Variants in MED12L observed in about 807,000 individuals in gnomAD.
MED12L encodes mediator complex subunit 12L, also known as mediator of RNA polymerase II transcription subunit 12-like protein.
A neutral mutation model predicts 281.3 loss-of-function variants in MED12L; 60 were observed. The ratio of observed to expected loss-of-function variants is 0.21; its 90% CI spans 0.17 to 0.26. The LOEUF (loss-of-function observed/expected upper bound fraction) is 0.26. MED12L is among the 10% of genes least tolerant of loss of function. MED12L has a pLI of 1.00. For missense variants in MED12L, 2,146 were observed against 2,680.9 expected, an observed-to-expected ratio of 0.80 and a Z score of 4.41; for synonymous variants, 974 against 987.2, an observed-to-expected ratio of 0.99 and a Z score of 0.25.
intron 39 of MED12L, among the ~76,000 whole-genome samples, chr3:151,399,866 G>T (rs146937880): frequency 4.0e-5 from 6 of 149,122 alleles, no homozygotes; most frequent in Non-Finnish European, 8.9e-5. Context: ...TCCCTCTGTC[G>T]CCCAGGCTGG....
chr3:151,127,822 T>C lies in MED12L; in HGVS notation c.397-3T>C. ...ATAAATATACTATGTTGTTTCTTTT[T>C]AGGTTCCTATCCTTAGTAAAAAAGA... On this transcript the variant is annotated splice_region_variant and splice_polypyrimidine_tract_variant and intron_variant, in intron 4 of 44. Coordinates refer to ENST00000687756, the MANE Select transcript of MED12L (RefSeq NM_001393769.1). 6.3e-7 allele frequency: 1 copy of C among 1,586,482 alleles called. No homozygotes were observed. Among genetic ancestry groups the C allele is most frequent in the Non-Finnish European group, 8.6e-7 (1 of 1,157,172 alleles).
chr3:151,357,873 G>T (rs979984365), intron 20 of MED12L, among the ~76,000 whole-genome samples: 10 of 152,148 alleles, frequency 6.6e-5, no homozygotes, highest in African/African-American at 2.4e-4. Context: ...GTAGGCTGGG[G>T]CTTACTCTAC....
intron 39 of MED12L, among the ~76,000 whole-genome samples, chr3:151,400,075 T>C (rs1577563415): frequency 6.6e-6 from 1 of 152,118 alleles, no homozygotes; most frequent in Non-Finnish European, 1.5e-5. Flanking sequence ...GATCCACCTG[T>C]CTCGACCTCC....
chr3:151,283,151 T>A (rs4680307), intron 16 of MED12L, among the ~76,000 whole-genome samples: 54,513 of 151,878 alleles, frequency 0.36, 10,327 homozygotes, highest in African/African-American at 0.48. Flanking sequence ...TAACAGTTTT[T>A]AAAAAAATTA....
chr3:151,256,918 C>A, intron 16 of MED12L, among the ~76,000 whole-genome samples: 1 of 143,442 alleles, frequency 7.0e-6, no homozygotes. Context: ...GCTAAATAAT[C>A]TCTTGCCATT....
intron 11 of MED12L, among the ~76,000 whole-genome samples, chr3:151,182,851 T>C (rs993111685): frequency 5.9e-5 from 9 of 151,810 alleles, no homozygotes; most frequent in African/African-American, 2.2e-4. Flanking sequence ...TAGGGGTGAG[T>C]TTGGGGCTGG....
chr3:151,328,301 T>C, intron 16 of MED12L: 2 of 1,613,964 alleles, frequency 1.2e-6, no homozygotes, highest in Non-Finnish European at 1.7e-6. Context: ...GCCTTCCAGC[T>C]TTTTGTTGTT....
intron 5 of MED12L, among the ~76,000 whole-genome samples, chr3:151,154,470 A>G (rs748831320): frequency 2.6e-5 from 4 of 152,218 alleles, no homozygotes; most frequent in African/African-American, 9.6e-5. Context: ...TGTCTGCAGT[A>G]TAAATTTTCT....
At chr3:151,357,495 T>C in intron 20 of MED12L, 119 bp downstream of exon 20, 1 of 848,592 alleles carries the variant, frequency 1.2e-6, no homozygotes, top group Non-Finnish European at 1.7e-6. Flanking sequence ...TAAAACATGG[T>C]TAAAGAACAC....
At chr3:151,339,456 T>C (rs913434514) in intron 16 of MED12L, among the ~76,000 whole-genome samples, 6 of 151,946 alleles carry the variant, frequency 3.9e-5, no homozygotes, top group African/African-American at 1.2e-4. Context: ...CTGACCTTTT[T>C]TCTTTATATT....
At chr3:151,352,255 T>G (rs1159258025) in intron 17 of MED12L, among the ~76,000 whole-genome samples, 1 of 152,224 alleles carries the variant, frequency 6.6e-6, no homozygotes, top group African/African-American at 2.4e-5. Flanking sequence ...TGACATTATG[T>G]CTGCACTCAA....
At chr3:151,178,011 C>G (rs533477523) in intron 11 of MED12L, among the ~76,000 whole-genome samples, 2 of 151,884 alleles carry the variant, frequency 1.3e-5, no homozygotes, top group Admixed American at 1.3e-4. Flanking sequence ...TTATTTAAAG[C>G]TAGGGAGGCA....
chr3:151,188,522 G>A (rs1006234639), intron 13 of MED12L, 42 bp downstream of exon 13: 3 of 1,519,806 alleles, frequency 2.0e-6, no homozygotes, highest in African/African-American at 2.8e-5. Flanking sequence ...TTAAATAAGG[G>A]ATTGATTTTT....
At chr3:151,120,616 C>G (rs1017025538) in intron 3 of MED12L, among the ~76,000 whole-genome samples, 1 of 151,786 alleles carries the variant, frequency 6.6e-6, no homozygotes, top group African/African-American at 2.4e-5. Context: ...GCTATACATA[C>G]AAGGAAGAAA....
intron 16 of MED12L, among the ~76,000 whole-genome samples, chr3:151,253,915 G>C (rs1245595375): frequency 6.6e-6 from 1 of 151,910 alleles, no homozygotes; most frequent in East Asian, 1.9e-4. Flanking sequence ...TAATCAGTGA[G>C]GACCTCCACT....
chr3:151,379,670 A>C (rs1317193398), intron 31 of MED12L, among the ~76,000 whole-genome samples: 1 of 152,214 alleles, frequency 6.6e-6, no homozygotes, highest in Non-Finnish European at 1.5e-5. Context: ...ATCAAACCCC[A>C]AAACAAGCTC....
intron 5 of MED12L, among the ~76,000 whole-genome samples, chr3:151,147,494 C>T (rs564527471): frequency 6.6e-6 from 1 of 152,316 alleles, no homozygotes; most frequent in East Asian, 1.9e-4. Context: ...CCCTGAAAAA[C>T]CCCATGCCCA....
At chr3:151,337,060 T>C (rs1175550704) in intron 16 of MED12L, 1 of 152,148 alleles carries the variant, frequency 6.6e-6, no homozygotes, top group African/African-American at 2.4e-5. Context: ...GATGGTATTA[T>C]TGAAGTTGTA....
intron 16 of MED12L, among the ~76,000 whole-genome samples, chr3:151,283,458 AT>A (rs1481249695): frequency 6.6e-6 from 1 of 152,172 alleles, no homozygotes; most frequent in East Asian, 1.9e-4. Context: ...AGAGGAAAGC[AT>A]TTTCTTTTTC....
Sources: allele counts gnomAD v4.1 joint callset (sites outside exome capture counted in the v4.1 genomes callset), GRCh38; gene constraint gnomAD v4.1.1; transcripts MANE v1.5; gene names NCBI Gene and HGNC (gene_info 2026-07-23, HGNC 2026-07-21).